ACBD6: variants seen among roughly 807,000 people sequenced by gnomAD.
ACBD6 encodes acyl-CoA-binding domain-containing protein 6.
Under a neutral mutation model 37.2 loss-of-function variants are expected in ACBD6, and 28 were observed. That is an observed-to-expected ratio of 0.75 (90% CI 0.56 to 1.03). The LOEUF is 1.03. ACBD6 is among the 50% of genes least tolerant of loss of function. The pLI, the probability that ACBD6 is intolerant of heterozygous loss-of-function variation, is 0.00. For synonymous variants in ACBD6, 113 were observed against 126.8 expected (o/e 0.89, Z 0.73); for missense variants, 340 against 337.4 (o/e 1.01, Z -0.06).
downstream of ACBD6, among the ~76,000 whole-genome samples, chr1:180,285,371 T>C (rs932417092): frequency 1.3e-5 from 2 of 152,044 alleles, no homozygotes; most frequent in African/African-American, 4.8e-5. Flanking sequence ...TGAAAATAGG[T>C]GCATCTCAGA....
At chr1:180,400,036 C>T (rs561133144) in intron 5 of ACBD6, among the ~76,000 whole-genome samples, 161 of 152,322 alleles carry the variant, frequency 1.1e-3, no homozygotes, top group African/African-American at 3.7e-3. Flanking sequence ...CTCTCAGCCA[C>T]GTTCCTGAAT....
At chr1:180,319,285 T>C (rs1157628213) in intron 6 of ACBD6, among the ~76,000 whole-genome samples, 8 of 152,262 alleles carry the variant, frequency 5.3e-5, no homozygotes, top group Admixed American at 5.2e-4. Flanking sequence ...GTGTGCTCAA[T>C]AAATGTTCAT....
At chr1:180,438,659 CCT>C (rs1649153854) in intron 3 of ACBD6, among the ~76,000 whole-genome samples, 1 of 152,216 alleles carries the variant, frequency 6.6e-6, no homozygotes, top group Non-Finnish European at 1.5e-5. Context: ...TTATCTCATA[CCT>C]CTCACATGTA....
chr1:180,435,945 T>C, intron 3 of ACBD6: 1 of 1,227,168 alleles, frequency 8.1e-7, no homozygotes, highest in Non-Finnish European at 1.2e-6. Flanking sequence ...CAAGCATAAA[T>C]GAATACTGTA....
intron 6 of ACBD6, among the ~76,000 whole-genome samples, chr1:180,333,236 A>T (rs964035701): frequency 6.6e-5 from 10 of 152,080 alleles, no homozygotes; most frequent in Admixed American, 1.3e-4. Flanking sequence ...TTCCAGATTA[A>T]AAAAAAACAC....
intron 3 of ACBD6, among the ~76,000 whole-genome samples, chr1:180,448,646 G>C (rs12076995): frequency 0.11 from 16,378 of 152,086 alleles, 1,287 homozygotes; most frequent in African/African-American, 0.21. Flanking sequence ...TCTAGAGAAC[G>C]TTACCATGAA....
chr1:180,439,489 G>A (rs1649193644), intron 3 of ACBD6, among the ~76,000 whole-genome samples: 3 of 152,260 alleles, frequency 2.0e-5, no homozygotes, highest in Non-Finnish European at 4.4e-5. Context: ...TACTCAGGAG[G>A]CTGAGGCAGG....
chr1:180,458,328 G>A (rs879419329), intron 3 of ACBD6, among the ~76,000 whole-genome samples: 9 of 152,086 alleles, frequency 5.9e-5, no homozygotes, highest in East Asian at 5.8e-4. Context: ...TCAACTCAAC[G>A]CAACAGCATA....
chr1:180,314,946 A>T (rs868071430), intron 6 of ACBD6, among the ~76,000 whole-genome samples: 4 of 152,222 alleles, frequency 2.6e-5, no homozygotes, highest in Non-Finnish European at 4.4e-5. Flanking sequence ...CAATGGAGTA[A>T]CAGGATGACC....
chr1:180,468,581 T>G (rs1166305068), intron 3 of ACBD6, among the ~76,000 whole-genome samples: 1 of 152,320 alleles, frequency 6.6e-6, no homozygotes, highest in East Asian at 1.9e-4. Flanking sequence ...ATTAGTGAGG[T>G]TGAACATCTT....
intron 6 of ACBD6, among the ~76,000 whole-genome samples, chr1:180,322,530 T>A (rs918147598): frequency 2.0e-5 from 3 of 152,088 alleles, no homozygotes; most frequent in African/African-American, 7.2e-5. Flanking sequence ...TCTATCTTGT[T>A]ATGTGTTACT....
chr1:180,435,189 G>C, intron 3 of ACBD6: 1 of 685,074 alleles, frequency 1.5e-6, no homozygotes. Flanking sequence ...TTTCAACATC[G>C]CTGGCCTTTC....
intron 3 of ACBD6, among the ~76,000 whole-genome samples, chr1:180,472,099 T>C (rs772207051): frequency 6.6e-6 from 1 of 152,250 alleles, no homozygotes; most frequent in Admixed American, 6.5e-5. Context: ...CATAGGTACG[T>C]ATAGGGCAAG....
chr1:180,425,586 A>AT (rs1318500526), intron 4 of ACBD6, among the ~76,000 whole-genome samples: 1 of 152,196 alleles, frequency 6.6e-6, no homozygotes, highest in Non-Finnish European at 1.5e-5. Context: ...CCAAATATTC[A>AT]TTTTTTAAAA....
At chr1:180,318,383 G>A (rs1650919310) in intron 6 of ACBD6, among the ~76,000 whole-genome samples, 1 of 151,958 alleles carries the variant, frequency 6.6e-6, no homozygotes, top group African/African-American at 2.4e-5. Flanking sequence ...TGAACTGAGG[G>A]AGGGGAAGCA....
chr1:180,422,440 A>G (rs546635515), intron 4 of ACBD6, among the ~76,000 whole-genome samples: 1 of 152,264 alleles, frequency 6.6e-6, no homozygotes, highest in South Asian at 2.1e-4. Context: ...TCCTGACCTC[A>G]GGTGATCCAC....
At chr1:180,378,570 T>C (rs1457078630) in intron 6 of ACBD6, among the ~76,000 whole-genome samples, 1 of 152,208 alleles carries the variant, frequency 6.6e-6, no homozygotes, top group African/African-American at 2.4e-5. Context: ...TTTGCAACTT[T>C]TCTGTAGAGT....
At chr1:180,374,649 T>C (rs1653370772) in intron 6 of ACBD6, among the ~76,000 whole-genome samples, 1 of 152,134 alleles carries the variant, frequency 6.6e-6, no homozygotes, top group Non-Finnish European at 1.5e-5. Flanking sequence ...ACTTAACACA[T>C]TAGCCCAGAC....
At chr1:180,305,912 T>C (rs1488374311) in intron 7 of ACBD6, among the ~76,000 whole-genome samples, 2 of 152,094 alleles carry the variant, frequency 1.3e-5, no homozygotes, top group Non-Finnish European at 2.9e-5. Context: ...TGGAATACTA[T>C]GCAGCCATAA....
Sources: gnomAD v4.1 joint callset for allele counts (sites outside exome capture counted in the v4.1 genomes callset) on GRCh38, gnomAD v4.1.1 for gene constraint, MANE v1.5 for transcripts, NCBI Gene and HGNC (gene_info 2026-07-23, HGNC 2026-07-21) for gene names.